Variants in ROPN1L observed in about 807,000 individuals in gnomAD.
ROPN1L encodes ropporin-1-like protein.
ROPN1L carries 23 observed loss-of-function variants against 22.7 expected under a neutral mutation model. The observed-to-expected ratio is 1.01, with a 90% CI of 0.73 to 1.43. The LOEUF (loss-of-function observed/expected upper bound fraction) is 1.43. Ranked by LOEUF, ROPN1L falls within the 40% of genes most tolerant of loss-of-function variation. The pLI is 0.00. For missense variants in ROPN1L, 271 were observed against 291.5 expected (o/e 0.93, Z 0.51); for synonymous variants, 116 against 117.8 (o/e 0.98, Z 0.10).
chr5:10,472,969 A>C (rs1353815563), downstream of ROPN1L, among the ~76,000 whole-genome samples: 1 of 152,156 alleles, frequency 6.6e-6, no homozygotes, highest in African/African-American at 2.4e-5. Context: ...AGGAAGGCAG[A>C]GTGCCAGGGT....
At chr5:10,443,345 G>C (rs1212349344) in intron 1 of ROPN1L, among the ~76,000 whole-genome samples, 1 of 143,184 alleles carries the variant, frequency 7.0e-6, no homozygotes, top group African/African-American at 2.4e-5. Context: ...CATTTGGGCC[G>C]GGCGCGGTGG....
intron 1 of ROPN1L, among the ~76,000 whole-genome samples, chr5:10,444,856 G>T (rs1031555509): frequency 6.6e-6 from 1 of 151,900 alleles, no homozygotes; most frequent in Non-Finnish European, 1.5e-5. Context: ...CCAAGATCGT[G>T]CCACTGCACT....
downstream of ROPN1L, among the ~76,000 whole-genome samples, chr5:10,468,922 A>G (rs1421949473): frequency 3.9e-5 from 6 of 152,214 alleles, no homozygotes; most frequent in Admixed American, 1.3e-4. Context: ...TTGGGAGGCC[A>G]AGGTGGGTGG....
At chr5:10,477,306 A>G in the ROPN1L span, among the ~76,000 whole-genome samples, 1 of 152,228 alleles carries the variant, frequency 6.6e-6, no homozygotes, top group Non-Finnish European at 1.5e-5. Context: ...TGACCTGGGC[A>G]CTGTGTGGGG....
the ROPN1L span, among the ~76,000 whole-genome samples, chr5:10,477,854 C>A: frequency 3.7e-4 from 56 of 152,188 alleles, no homozygotes; most frequent in African/African-American, 1.3e-3. Context: ...CACTTGAGCC[C>A]GGGAGGCAGA....
intron 2 of ROPN1L, among the ~76,000 whole-genome samples, chr5:10,449,699 C>T (rs796972638): frequency 7.2e-5 from 11 of 152,104 alleles, no homozygotes; most frequent in African/African-American, 2.4e-4. Context: ...ATCAGTATGC[C>T]TGTTTCATTA....
In ROPN1L at chr5:10,448,628, A is replaced by G. The variant is rs566164466; in HGVS notation, c.255+245A>G. The stretch of plus-strand genomic sequence containing the variant: ...CACTATCCAGGGGTAGAGTTTAGAA[A>G]AGTGAAATATAATTTCTTTTAAATA... On this transcript the variant is annotated intron_variant, in intron 2 of 4. Transcript: ENST00000274134. Among the ~76,000 whole-genome samples, 156 of 152,368 alleles carry G rather than the reference A, an allele frequency of 1.0e-3. 1 individual carries two copies. Among genetic ancestry groups the G allele is most frequent in the African/African-American group, 3.7e-3 (154 of 41,582 alleles).
At chr5:10,474,626 C>T (rs1320578157), downstream of ROPN1L, among the ~76,000 whole-genome samples, 4 of 152,240 alleles carry the variant, frequency 2.6e-5, no homozygotes, top group East Asian at 7.7e-4. Context: ...CGGCCCACGC[C>T]ATGATGAGGT....
At chr5:10,446,613 A>G (rs949252023) in intron 1 of ROPN1L, among the ~76,000 whole-genome samples, 6 of 145,242 alleles carry the variant, frequency 4.1e-5, no homozygotes, top group African/African-American at 1.5e-4. Context: ...ATGAGCTGAG[A>G]TGGCGCTACT....
intron 1 of ROPN1L, among the ~76,000 whole-genome samples, chr5:10,446,810 G>A (rs1027886223): frequency 6.6e-6 from 1 of 152,162 alleles, no homozygotes; most frequent in African/African-American, 2.4e-5. Context: ...CCTGAGTTAT[G>A]AGGAGTTACC....
chr5:10,461,428 T>A (rs1735027919), intron 4 of ROPN1L, 69 bp downstream of exon 4: 1 of 1,395,380 alleles, frequency 7.2e-7, no homozygotes, highest in Admixed American at 1.9e-5. Context: ...CACTTCCCCC[T>A]TGTAGGGAAA....
At chr5:10,445,002 T>A (rs1370945737) in intron 1 of ROPN1L, among the ~76,000 whole-genome samples, 1 of 152,094 alleles carries the variant, frequency 6.6e-6, no homozygotes, top group African/African-American at 2.4e-5. Context: ...TTAGATAGAG[T>A]CTTTTTCTGT....
At chr5:10,452,540 G>T (rs1741292767) in intron 3 of ROPN1L, among the ~76,000 whole-genome samples, 2 of 151,572 alleles carry the variant, frequency 1.3e-5, no homozygotes, top group African/African-American at 4.9e-5. Flanking sequence ...GTTTCACCAT[G>T]TTGGCCTGGC....
downstream of ROPN1L, among the ~76,000 whole-genome samples, chr5:10,476,721 A>G (rs78144349): frequency 9.4e-3 from 1,440 of 152,384 alleles, 23 homozygotes; most frequent in African/African-American, 0.032. Flanking sequence ...TAAAACAAAG[A>G]CATGAAAATA....
downstream of ROPN1L, among the ~76,000 whole-genome samples, chr5:10,468,342 G>A (rs1735188833): frequency 6.6e-6 from 1 of 152,226 alleles, no homozygotes; most frequent in South Asian, 2.1e-4. Context: ...GCAAAAAGTG[G>A]ATTGTTTGTG....
downstream of ROPN1L, among the ~76,000 whole-genome samples, chr5:10,466,315 C>T: frequency 6.6e-6 from 1 of 152,088 alleles, no homozygotes; most frequent in Middle Eastern, 3.2e-3. Flanking sequence ...GACGTGCTTT[C>T]ACTGTGACTA....
rs775674023 is a variant in ROPN1L at position 10,442,166 on chromosome 5, C to T, written c.-2C>T. On this transcript the variant is annotated 5_prime_UTR_variant, in exon 1 of 5. Transcript: ENST00000274134. The stretch of plus-strand genomic sequence containing the variant: ...CCAGCCTGGTCCCTTCTGCGGAGAG[C>T]GATGCCGCTTCCCGACACCATGTTC... 2.0e-5 allele frequency: 32 copies of T among 1,612,968 alleles called. No individual in the cohort carries two copies. The South Asian group carries it at 2.5e-4, about 13-fold the overall frequency.
chr5:10,448,126 C>A, intron 1 of ROPN1L, 134 bp from the exon 2 acceptor site: 2 of 973,366 alleles, frequency 2.1e-6, no homozygotes, highest in Non-Finnish European at 3.1e-6. Flanking sequence ...GGAACCAGGA[C>A]ATAAGCCCGG....
chr5:10,442,132 C>T lies in ROPN1L; in HGVS notation c.-36C>T, dbSNP rs754917814. The T allele has an allele frequency of 5.5e-5, 87 of 1,586,552 alleles. No individual in the cohort carries two copies. Among genetic ancestry groups the T allele is most frequent in the Middle Eastern group, 1.7e-4 (1 of 6,000 alleles). The stretch of plus-strand genomic sequence containing the variant: ...GCCGCCCTTCTTCCTCGCAGCGCGC[C>T]GCGATTCACCAGCCTGGTCCCTTCT... On this transcript the variant is annotated 5_prime_UTR_variant, in exon 1 of 5. Transcript: ENST00000274134.
Sources: gnomAD v4.1 joint callset for allele counts (sites outside exome capture counted in the v4.1 genomes callset) on GRCh38, gnomAD v4.1.1 for gene constraint, MANE v1.5 for transcripts, NCBI Gene and HGNC (gene_info 2026-07-23, HGNC 2026-07-21) for gene names.